Variants in PPP2R2C observed in about 807,000 individuals in gnomAD.
The protein encoded by PPP2R2C is protein phosphatase 2, regulatory subunit B, gamma.
In PPP2R2C, 10 loss-of-function variants were observed where a neutral mutation model predicts 45.3. That is an observed-to-expected ratio of 0.22 (90% confidence interval 0.14 to 0.37). The LOEUF is 0.37. Among genes scored for constraint, PPP2R2C ranks in the 10% least tolerant of loss-of-function variants. PPP2R2C has a pLI of 1.00. For synonymous variants in PPP2R2C, 257 were observed against 245.4 expected (o/e 1.05, Z -0.44); for missense variants, 308 against 619.7 (o/e 0.50, Z 5.34).
chr4:6,521,940 C>T (rs1001775078), intron 2 of PPP2R2C, among the ~76,000 whole-genome samples: 1 of 152,236 alleles, frequency 6.6e-6, no homozygotes, highest in Non-Finnish European at 1.5e-5. Context: ...GACTACTTTG[C>T]TCTTATTGGG....
chr4:6,364,999 T>C lies in PPP2R2C; in HGVS notation c.625+7524A>G, dbSNP rs976985341. On this transcript the variant is annotated intron_variant, in intron 5 of 8. Transcript: ENST00000382599. This position sits in a 1 kb window ranked among gnomAD's most constrained non-coding sequence, Gnocchi z 5.3. ...CACTCAGAAAGTGCCTTTGTGCCAA[T>C]TATGAAAAGACAGCTCTTCCTTGCA... Among the ~76,000 whole-genome samples, 12 of 152,162 alleles carry C rather than the reference T, an allele frequency of 7.9e-5. No individual in the cohort carries two copies. The East Asian group carries it at 2.3e-3, about 29-fold the overall frequency.
intron 2 of PPP2R2C, among the ~76,000 whole-genome samples, chr4:6,528,531 G>C (rs539838900): frequency 0.37 from 56,584 of 152,030 alleles, 11,306 homozygotes; most frequent in African/African-American, 0.52. Flanking sequence ...GCGTCTGAGA[G>C]CCAGTGTGTT....
intron 6 of PPP2R2C, among the ~76,000 whole-genome samples, chr4:6,347,047 G>T (rs533901373): frequency 6.6e-6 from 1 of 152,270 alleles, no homozygotes; most frequent in African/African-American, 2.4e-5. Context: ...CGCCTTCAGG[G>T]GCCTCTGGGA....
intron 2 of PPP2R2C, among the ~76,000 whole-genome samples, chr4:6,507,698 T>C (rs769580099): frequency 2.6e-5 from 4 of 152,200 alleles, no homozygotes; most frequent in Non-Finnish European, 4.4e-5. Flanking sequence ...AGCAAATCAA[T>C]GGTTGTTTTA....
chr4:6,533,845 C>A (rs562279181), intron 2 of PPP2R2C, among the ~76,000 whole-genome samples: 1 of 152,042 alleles, frequency 6.6e-6, no homozygotes, highest in African/African-American at 2.4e-5. Context: ...GCAGGCTGCT[C>A]GGTGAAAAGG....
At chr4:6,354,633 T>C (rs1712972338) in intron 5 of PPP2R2C, among the ~76,000 whole-genome samples, 1 of 151,640 alleles carries the variant, frequency 6.6e-6, no homozygotes, top group South Asian at 2.1e-4. Flanking sequence ...AGAAACTCTG[T>C]TCACGGTCAT....
chr4:6,543,172 G>T, intron 1 of PPP2R2C, among the ~76,000 whole-genome samples: 1 of 152,156 alleles, frequency 6.6e-6, no homozygotes, highest in East Asian at 1.9e-4. Context: ...AAGGCAGGAC[G>T]GCGTGGATGC....
Position 6,323,246 on chromosome 4 carries a change from C to A in PPP2R2C, c.*56G>T. ...CTCCTTGCATTGCGGTCGTGAAGGT[C>A]ATGTCGGGGATGACTTGCATGAGGC... is the stretch of plus-strand genomic sequence containing the variant. On this transcript the variant is annotated 3_prime_UTR_variant, in exon 9 of 9. Transcript: ENST00000382599. 2 of 1,538,286 alleles carry A rather than the reference C, an allele frequency of 1.3e-6. No homozygotes were observed. Among genetic ancestry groups the A allele is most frequent in the Non-Finnish European group, 1.8e-6 (2 of 1,131,480 alleles).
chr4:6,544,412 G>A (rs577594351), intron 1 of PPP2R2C, among the ~76,000 whole-genome samples: 5 of 152,158 alleles, frequency 3.3e-5, no homozygotes, highest in African/African-American at 9.6e-5. Flanking sequence ...GCATGATCAC[G>A]GCTCACCGCA....
At chr4:6,402,327 A>G (rs1393616265) in intron 1 of PPP2R2C, among the ~76,000 whole-genome samples, 1 of 152,044 alleles carries the variant, frequency 6.6e-6, no homozygotes, top group African/African-American at 2.4e-5. Flanking sequence ...ATTTCCCCAA[A>G]TCGAACAGTA....
chr4:6,372,864 G>A (rs559510187), intron 4 of PPP2R2C, among the ~76,000 whole-genome samples, 164 bp from the exon 5 acceptor site: 15 of 152,284 alleles, frequency 9.9e-5, no homozygotes, highest in South Asian at 2.1e-4. Flanking sequence ...GCAAATGCCC[G>A]CCGCCCACCA....
chr4:6,539,995 C>T (rs1724757833), intron 1 of PPP2R2C, among the ~76,000 whole-genome samples: 1 of 152,200 alleles, frequency 6.6e-6, no homozygotes, highest in Non-Finnish European at 1.5e-5. Context: ...CCCTGCCCTA[C>T]TCTGTCGCCT....
chr4:6,518,555 G>T (rs958184083), intron 2 of PPP2R2C, among the ~76,000 whole-genome samples: 9 of 152,152 alleles, frequency 5.9e-5, no homozygotes, highest in Admixed American at 2.0e-4. Flanking sequence ...TAGATGAAAT[G>T]CCAATTCCTT....
At chr4:6,552,526 T>C (rs1042278546) in intron 1 of PPP2R2C, among the ~76,000 whole-genome samples, 16 of 152,004 alleles carry the variant, frequency 1.1e-4, no homozygotes, top group Middle Eastern at 3.4e-3. Context: ...CCCTCTCTTC[T>C]CTTCTCCCTC....
intron 1 of PPP2R2C, among the ~76,000 whole-genome samples, chr4:6,415,610 G>A (rs1718526031): frequency 6.6e-6 from 1 of 152,162 alleles, no homozygotes; most frequent in Non-Finnish European, 1.5e-5. Context: ...GCAGCCACCA[G>A]GAAAGGCTTG....
rs538142218 is a variant in PPP2R2C at position 6,348,071 on chromosome 4, G to A, written c.626-61C>T. On this transcript the variant is annotated intron_variant, in intron 5 of 8. Transcript: ENST00000382599. Reference sequence around the variant, plus strand: ...GGCGCCCTCAATGCTCCGCCTTCCCGGAGGTTTCTGACACCTCTCCCGAGG... The same window carrying A: ...GGCGCCCTCAATGCTCCGCCTTCCCAGAGGTTTCTGACACCTCTCCCGAGG... The A allele has an allele frequency of 1.2e-4, 187 of 1,577,124 alleles. 1 individual carries two copies. The highest frequency in any genetic ancestry group is 9.5e-4 in the African/African-American group (71 of 74,414).
chr4:6,339,327 T>G (rs930787516), intron 6 of PPP2R2C, among the ~76,000 whole-genome samples: 1 of 152,194 alleles, frequency 6.6e-6, no homozygotes, highest in African/African-American at 2.4e-5. Context: ...AGACCCTGCC[T>G]CATGGCCCCG....
chr4:6,371,875 A>G (rs1013941834), intron 5 of PPP2R2C, among the ~76,000 whole-genome samples: 4 of 152,140 alleles, frequency 2.6e-5, no homozygotes, highest in Non-Finnish European at 4.4e-5. Flanking sequence ...CATCACAGCA[A>G]CCTGCCTGCC....
chr4:6,413,583 C>G (rs1718341868), intron 1 of PPP2R2C, among the ~76,000 whole-genome samples: 1 of 152,218 alleles, frequency 6.6e-6, no homozygotes, highest in Non-Finnish European at 1.5e-5. Flanking sequence ...TGTCCTGGTG[C>G]AGTTATCAGA....
Sources: gnomAD v4.1 joint callset for allele counts (sites outside exome capture counted in the v4.1 genomes callset) on GRCh38, gnomAD v4.1.1 for gene constraint, Gnocchi (gnomAD v3.1) non-coding constraint, MANE v1.5 for transcripts, NCBI Gene and HGNC (gene_info 2026-07-23, HGNC 2026-07-21) for gene names.